The following CDH4 variants were observed in gnomAD, a reference collection of about 807,000 sequenced individuals.
The protein encoded by CDH4 is cadherin-4.
In CDH4, 33 loss-of-function variants were observed where a neutral mutation model predicts 86.0. The ratio of observed to expected loss-of-function variants is 0.38; its 90% CI spans 0.29 to 0.51. CDH4 has a LOEUF of 0.51. Among genes scored for constraint, CDH4 ranks in the 20% least tolerant of loss-of-function variants. The pLI is 0.86. For synonymous variants in CDH4, 555 were observed against 549.4 expected (o/e 1.01, Z -0.14); for missense variants, 1,114 against 1,307.4 (o/e 0.85, Z 2.28).
intron 2 of CDH4, among the ~76,000 whole-genome samples, chr20:61,695,597 T>C (rs1049738800): frequency 6.6e-6 from 1 of 152,268 alleles, no homozygotes; most frequent in South Asian, 2.1e-4. Flanking sequence ...AGGTTCCACA[T>C]GGCGGTGCTT....
chr20:61,797,602 T>C (rs1303873170), intron 4 of CDH4, among the ~76,000 whole-genome samples: 3 of 151,890 alleles, frequency 2.0e-5, no homozygotes, highest in South Asian at 2.1e-4. Flanking sequence ...CTAGGCAAGA[T>C]AGCAAGATCC....
chr20:61,613,703 G>A (rs565895016), intron 2 of CDH4, among the ~76,000 whole-genome samples: 2 of 152,074 alleles, frequency 1.3e-5, no homozygotes, highest in East Asian at 3.9e-4. Context: ...GAAGTCATTG[G>A]CTGTGTTCCC....
intron 2 of CDH4, among the ~76,000 whole-genome samples, chr20:61,704,610 A>G (rs1279056505): frequency 6.6e-6 from 1 of 152,160 alleles, no homozygotes; most frequent in Non-Finnish European, 1.5e-5. Context: ...CAGTGGGTAG[A>G]GTCACTCTCA....
At chr20:61,915,588 C>T (rs1265135860) in intron 9 of CDH4, among the ~76,000 whole-genome samples, 2 of 152,354 alleles carry the variant, frequency 1.3e-5, no homozygotes, top group Non-Finnish European at 2.9e-5. Flanking sequence ...ACGGGAGATC[C>T]ATGTGACACG....
intron 3 of CDH4, 96 bp downstream of exon 3, chr20:61,743,885 A>G (rs1170336568): frequency 5.4e-6 from 5 of 918,884 alleles, no homozygotes; most frequent in Middle Eastern, 2.2e-4. Context: ...CCCACAGGAC[A>G]GACAGTCACC....
intron 8 of CDH4, among the ~76,000 whole-genome samples, chr20:61,908,527 G>A (rs736420): frequency 0.82 from 124,992 of 152,112 alleles, 52,964 homozygotes; most frequent in Non-Finnish European, 0.95. Context: ...GCCCAGAACC[G>A]CTGCCTCGGG....
chr20:61,356,902 G>A (rs1019010368), intron 2 of CDH4, among the ~76,000 whole-genome samples: 6 of 152,166 alleles, frequency 3.9e-5, no homozygotes, highest in African/African-American at 1.4e-4. Flanking sequence ...TGTTATTCAC[G>A]TTTAGCCTCT....
At chr20:61,302,463 G>T (rs961675760) in intron 2 of CDH4, among the ~76,000 whole-genome samples, 2 of 151,288 alleles carry the variant, frequency 1.3e-5, no homozygotes, top group Non-Finnish European at 2.9e-5. Flanking sequence ...GATGTTTCCT[G>T]TATGTGTTTC....
At chr20:61,334,996 C>G (rs2084609470) in intron 2 of CDH4, among the ~76,000 whole-genome samples, 1 of 152,240 alleles carries the variant, frequency 6.6e-6, no homozygotes, top group South Asian at 2.1e-4. Context: ...AAGAGGCATT[C>G]TGCCTCTTAA....
At chr20:61,563,952 A>G (rs1478277238) in intron 2 of CDH4, among the ~76,000 whole-genome samples, 2 of 152,036 alleles carry the variant, frequency 1.3e-5, no homozygotes, top group Non-Finnish European at 2.9e-5. Flanking sequence ...GCTTTCTTCC[A>G]TTGGCCTCTC....
At chr20:61,590,786 G>A (rs559913056) in intron 2 of CDH4, among the ~76,000 whole-genome samples, 4 of 151,362 alleles carry the variant, frequency 2.6e-5, no homozygotes, top group Admixed American at 1.3e-4. Flanking sequence ...CTGGATTTGG[G>A]GATATAATTT....
chr20:61,772,171 C>T (rs894787741), intron 3 of CDH4, among the ~76,000 whole-genome samples: 10 of 152,110 alleles, frequency 6.6e-5, no homozygotes, highest in African/African-American at 2.4e-4. Flanking sequence ...GAGAAGAACC[C>T]AGGATTGTGA....
intron 2 of CDH4, among the ~76,000 whole-genome samples, chr20:61,284,887 T>G (rs1366140185): frequency 6.6e-6 from 1 of 152,176 alleles, no homozygotes; most frequent in Non-Finnish European, 1.5e-5. Flanking sequence ...AAAAGCAGCC[T>G]TAGGAGATAT....
chr20:61,822,954 T>G (rs551037208), intron 4 of CDH4, among the ~76,000 whole-genome samples: 248 of 152,292 alleles, frequency 1.6e-3, no homozygotes, highest in Non-Finnish European at 2.4e-3. Context: ...TGGCCAGGGC[T>G]TCCAGAGAAG....
chr20:61,297,250 G>A (rs1024380154), intron 2 of CDH4, among the ~76,000 whole-genome samples: 12 of 152,292 alleles, frequency 7.9e-5, no homozygotes, highest in African/African-American at 2.9e-4. Flanking sequence ...GCCACGCACG[G>A]TGGCATGTGC....
intron 2 of CDH4, among the ~76,000 whole-genome samples, chr20:61,646,929 T>C (rs1308144972): frequency 6.6e-6 from 1 of 152,204 alleles, no homozygotes; most frequent in African/African-American, 2.4e-5. Flanking sequence ...GCAAGTGTGG[T>C]TAAAACACAC....
At chr20:61,458,660 G>A (rs2085423901) in intron 2 of CDH4, among the ~76,000 whole-genome samples, 1 of 152,132 alleles carries the variant, frequency 6.6e-6, no homozygotes, top group African/African-American at 2.4e-5. Flanking sequence ...TGGTGATAAT[G>A]GTAATGATAG....
At position 61,726,823 on chromosome 20, in the gene CDH4, A is replaced by ATCG. The variant is rs1447678212; in HGVS notation, c.170-16738_170-16737insGTC. 4.8e-4 allele frequency among the ~76,000 whole-genome samples: 7 copies of ATCG among 14,584 alleles called. No homozygotes were observed. In the African/African-American group the frequency reaches 7.1e-3, roughly 15 times the overall value. The allele number at this position is 14,584 out of a possible 152,430, so 9.6% of individuals were successfully genotyped here. A position where few individuals can be genotyped will look rare whatever the true frequency, so the allele number is the denominator to read the frequency against. On this transcript the variant is annotated intron_variant, in intron 2 of 15. Coordinates refer to ENST00000614565, the MANE Select transcript of CDH4 (RefSeq NM_001794.5). ...TGCCATCATCACCATTGCTGCCATC[A>ATCG]TCACCATCACTGCCATCATCACCAT... is the stretch of plus-strand genomic sequence containing the variant.
intron 2 of CDH4, among the ~76,000 whole-genome samples, chr20:61,440,413 A>G (rs1169781008): frequency 6.6e-6 from 1 of 152,246 alleles, no homozygotes; most frequent in Non-Finnish European, 1.5e-5. Context: ...GTTAGCCGCA[A>G]CAAGTCAAGT....
Sources: gnomAD v4.1 joint callset for allele counts (sites outside exome capture counted in the v4.1 genomes callset) on GRCh38, gnomAD v4.1.1 for gene constraint, MANE v1.5 for transcripts, NCBI Gene and HGNC (gene_info 2026-07-23, HGNC 2026-07-21) for gene names.